Variants in DLG2 observed in about 807,000 individuals in gnomAD.
The protein encoded by DLG2 is disks large homolog 2.
Under a neutral mutation model 132.5 loss-of-function variants are expected in DLG2, and 45 were observed. The observed-to-expected ratio is 0.34, with a 90% CI of 0.27 to 0.44. DLG2 has a LOEUF of 0.44. Among genes scored for constraint, DLG2 ranks in the 20% least tolerant of loss-of-function variants. The pLI is 1.00. For synonymous variants in DLG2, 424 were observed against 419.6 expected (o/e 1.01, Z -0.13); for missense variants, 1,045 against 1,196.9 (o/e 0.87, Z 1.87).
intron 15 of DLG2, among the ~76,000 whole-genome samples, chr11:83,889,825 T>C (rs1360540401): frequency 3.3e-5 from 5 of 151,652 alleles, no homozygotes; most frequent in African/African-American, 9.7e-5. Flanking sequence ...ATGGATGAAA[T>C]TGGAAATCAT....
At chr11:84,965,983 T>A (rs985033250) in intron 6 of DLG2, among the ~76,000 whole-genome samples, 3 of 152,080 alleles carry the variant, frequency 2.0e-5, no homozygotes, top group African/African-American at 7.2e-5. Context: ...CAAACTGGGA[T>A]AATATATCTT....
At position 85,537,987 on chromosome 11, in the gene DLG2, G is replaced by T. The variant is rs576726272; in HGVS notation, c.40+60670C>A. On this transcript the variant is annotated intron_variant, in intron 3 of 27. Transcript: ENST00000376104. ...AAATATTAGCAGGGCGTGGTGGCAGGCACCTGTAATCCCAGCTACTTGAGA... is the reference window on the plus strand; with the variant it reads ...AAATATTAGCAGGGCGTGGTGGCAGTCACCTGTAATCCCAGCTACTTGAGA... Among the ~76,000 whole-genome samples, 38 of 151,924 alleles carry T rather than the reference G, an allele frequency of 2.5e-4. 1 individual carries two copies. The highest frequency in any genetic ancestry group is 9.2e-4 in the African/African-American group (38 of 41,264).
At chr11:84,986,249 G>A (rs369446577) in intron 6 of DLG2, among the ~76,000 whole-genome samples, 6 of 151,882 alleles carry the variant, frequency 4.0e-5, no homozygotes, top group South Asian at 4.2e-4. Flanking sequence ...AGCTTAAATC[G>A]GGAAGAACTA....
At chr11:84,460,245 G>A (rs377213125) in intron 7 of DLG2, among the ~76,000 whole-genome samples, 4 of 150,444 alleles carry the variant, frequency 2.7e-5, no homozygotes, top group African/African-American at 4.9e-5. Context: ...TGACTATTGC[G>A]TTGTGTAGGA....
intron 3 of DLG2, among the ~76,000 whole-genome samples, chr11:85,529,348 T>C (rs1045878999): frequency 2.6e-5 from 4 of 152,212 alleles, no homozygotes; most frequent in Non-Finnish European, 4.4e-5. Flanking sequence ...AAATTATTTA[T>C]TGCTGCACCA....
chr11:85,123,780 G>C (rs1428876019), intron 5 of DLG2, among the ~76,000 whole-genome samples: 1 of 152,182 alleles, frequency 6.6e-6, no homozygotes, highest in Non-Finnish European at 1.5e-5. Flanking sequence ...CAAAGAAAGT[G>C]ATATGTGTGG....
chr11:84,850,430 AC>A (rs2082038810), intron 6 of DLG2, among the ~76,000 whole-genome samples: 1 of 152,112 alleles, frequency 6.6e-6, no homozygotes, highest in Non-Finnish European at 1.5e-5. Context: ...TTTATGGGAT[AC>A]TCACAGCTAA....
intron 3 of DLG2, among the ~76,000 whole-genome samples, chr11:85,530,188 G>T (rs1414561959): frequency 1.3e-5 from 2 of 151,724 alleles, no homozygotes; most frequent in South Asian, 2.1e-4. Flanking sequence ...TAGAGATGGA[G>T]TTTCTCCACA....
chr11:84,443,302 T>C (rs574195287), intron 7 of DLG2, among the ~76,000 whole-genome samples: 6 of 152,282 alleles, frequency 3.9e-5, no homozygotes, highest in African/African-American at 1.4e-4. Flanking sequence ...TTTTAAGAAA[T>C]AAGTTCTTCA....
chr11:85,133,881 G>C (rs373770117), intron 5 of DLG2, among the ~76,000 whole-genome samples: 2 of 152,020 alleles, frequency 1.3e-5, no homozygotes, highest in Non-Finnish European at 2.9e-5. Context: ...CTACATAGAC[G>C]GCCTTTGAGG....
rs529147221 is a variant in DLG2 at position 84,876,623 on chromosome 11, C to CA, written c.357+235037dup. 9.0e-4 allele frequency among the ~76,000 whole-genome samples: 137 copies of CA among 152,030 alleles called. 1 individual carries two copies. The highest frequency in any genetic ancestry group is 3.1e-3 in the African/African-American group (129 of 41,488). On this transcript the variant is annotated intron_variant, in intron 6 of 27. Transcript: ENST00000376104. ...TGTCTATTTGTTTTGTTAATCTTTT[C>CA]AAAAAAACAGCTCCTGGATTCATTG...
At chr11:84,667,598 G>T (rs2099701273) in intron 6 of DLG2, among the ~76,000 whole-genome samples, 1 of 146,902 alleles carries the variant, frequency 6.8e-6, no homozygotes, top group East Asian at 2.2e-4. Context: ...CTGGGTTCAA[G>T]CAATTCTCCT....
chr11:84,596,007 A>G (rs1418858378), intron 6 of DLG2, among the ~76,000 whole-genome samples: 1 of 152,198 alleles, frequency 6.6e-6, no homozygotes, highest in Non-Finnish European at 1.5e-5. Context: ...AAAAAATAGG[A>G]GCCACTCTGA....
At chr11:85,005,518 G>C (rs1177618552) in intron 6 of DLG2, among the ~76,000 whole-genome samples, 1 of 151,824 alleles carries the variant, frequency 6.6e-6, no homozygotes, top group East Asian at 1.9e-4. Flanking sequence ...TCATGATTTG[G>C]CTCTCTGTTT....
intron 4 of DLG2, among the ~76,000 whole-genome samples, chr11:85,197,388 A>G (rs1259769399): frequency 1.3e-5 from 2 of 152,284 alleles, no homozygotes; most frequent in East Asian, 3.9e-4. Context: ...CTTTGCATAA[A>G]ATGTTAAAGG....
intron 6 of DLG2, among the ~76,000 whole-genome samples, chr11:84,965,289 G>C (rs115897783): frequency 1.2e-3 from 187 of 152,182 alleles, no homozygotes; most frequent in African/African-American, 4.3e-3. Context: ...GTGTGTGTGT[G>C]TGTGTGCACG....
At chr11:83,784,123 T>C (rs1456737057) in intron 18 of DLG2, among the ~76,000 whole-genome samples, 1 of 152,182 alleles carries the variant, frequency 6.6e-6, no homozygotes, top group Non-Finnish European at 1.5e-5. Flanking sequence ...ACTAAAAGTA[T>C]GCCAATAAAA....
chr11:83,516,248 C>T (rs1044604422), intron 21 of DLG2, among the ~76,000 whole-genome samples: 1 of 152,148 alleles, frequency 6.6e-6, no homozygotes, highest in African/African-American at 2.4e-5. Context: ...GTTAGCTCTT[C>T]TTGTTGAATT....
intron 4 of DLG2, among the ~76,000 whole-genome samples, chr11:85,217,586 CTTAG>C (rs913491179): frequency 1.3e-5 from 2 of 152,148 alleles, no homozygotes; most frequent in South Asian, 2.1e-4. Context: ...ACTATGCTGT[CTTAG>C]TTAGAGCCTT....
Sources: gnomAD v4.1 joint callset for allele counts (sites outside exome capture counted in the v4.1 genomes callset) on GRCh38, gnomAD v4.1.1 for gene constraint, MANE v1.5 for transcripts, NCBI Gene and HGNC (gene_info 2026-07-23, HGNC 2026-07-21) for gene names.